The following ZFHX3 variants were observed in gnomAD, a reference collection of about 807,000 sequenced individuals.
The protein encoded by ZFHX3 is zinc finger homeobox protein 3.
Under a neutral mutation model 279.1 loss-of-function variants are expected in ZFHX3, and 42 were observed. The observed-to-expected ratio is 0.15, with a 90% CI of 0.12 to 0.19. The LOEUF is 0.19. ZFHX3 is among the 10% of genes least tolerant of loss of function. ZFHX3 has a pLI of 1.00. For missense variants in ZFHX3, 4,981 were observed against 4,754.0 expected (o/e 1.05, Z -1.40); for synonymous variants, 2,293 against 1,957.8 (o/e 1.17, Z -4.52).
At chr16:73,267,290 G>T (rs1276917476) in intron 4 of ZFHX3, among the ~76,000 whole-genome samples, 1 of 152,028 alleles carries the variant, frequency 6.6e-6, no homozygotes, top group Non-Finnish European at 1.5e-5. Flanking sequence ...TTCATCTTGG[G>T]TCTGGGGCAC....
chr16:72,809,212 A>G (rs1282396036), intron 7 of ZFHX3: 2 of 152,270 alleles, frequency 1.3e-5, no homozygotes, highest in Non-Finnish European at 2.9e-5. Context: ...TAAACCAGTC[A>G]TGTAGATTAC....
chr16:73,845,945 C>T (rs914045538), intron 1 of ZFHX3, among the ~76,000 whole-genome samples: 4 of 152,124 alleles, frequency 2.6e-5, no homozygotes, highest in Non-Finnish European at 4.4e-5. Context: ...TCCTGAGTAG[C>T]TGAACACAGG....
At chr16:73,791,289 G>T (rs1213456640) in intron 1 of ZFHX3, among the ~76,000 whole-genome samples, 2 of 151,612 alleles carry the variant, frequency 1.3e-5, no homozygotes, top group Admixed American at 1.3e-4. Context: ...GACTGGCAGA[G>T]TCCCAAGCTT....
chr16:73,239,123 A>G (rs1324333758), intron 5 of ZFHX3, among the ~76,000 whole-genome samples: 1 of 152,154 alleles, frequency 6.6e-6, no homozygotes, highest in East Asian at 1.9e-4. Context: ...TGCTTAATAA[A>G]TTAATATTAC....
rs16972138 is a variant in ZFHX3, at chr16:73,534,834, C to G, written c.-1546-78576G>C. On this transcript the variant is annotated intron_variant, in intron 2 of 17. Coordinates refer to the ZFHX3 transcript ENST00000641206. ...AAATGAATAATCACCAGGATATTTT[C>G]TTTGTACATAAGGAAACCTTTAGAT... is the stretch of plus-strand genomic sequence containing the variant. Among the ~76,000 whole-genome samples the G allele has an allele frequency of 7.9e-3, 1,208 of 152,210 alleles. 16 individuals carry two copies. Among genetic ancestry groups the G allele is most frequent in the African/African-American group, 0.028 (1,150 of 41,540 alleles).
intron 1 of ZFHX3, among the ~76,000 whole-genome samples, chr16:73,760,252 CCT>C (rs951720158): frequency 2.6e-5 from 4 of 151,940 alleles, no homozygotes; most frequent in African/African-American, 9.7e-5. Flanking sequence ...AAATTGAATC[CCT>C]GAGTAGATCA....
At chr16:73,421,408 T>C (rs1355852841) in intron 3 of ZFHX3, 2 of 152,234 alleles carry the variant, frequency 1.3e-5, no homozygotes, top group Admixed American at 1.3e-4. Context: ...TAAGGTGTGA[T>C]TTGTGAAATG....
chr16:73,114,707 A>G (rs186794394), intron 7 of ZFHX3, among the ~76,000 whole-genome samples: 133 of 152,300 alleles, frequency 8.7e-4, no homozygotes, highest in Admixed American at 3.0e-3. Flanking sequence ...TAAAAAAAAT[A>G]AAATGGGAAA....
In ZFHX3 at chr16:73,631,898, T is replaced by TTCTCTC. The variant is rs139812596; in HGVS notation, c.-1547+48276_-1547+48281dup. On this transcript the variant is annotated intron_variant, in intron 2 of 17. Coordinates refer to the ZFHX3 transcript ENST00000641206. Reference sequence around the variant, plus strand: ...CTCCAGCCTGGGTGATAGAGTGGGATTCTCTCTCTCTCTCTCTCTCTCTCT... The same window carrying TTCTCTC: ...CTCCAGCCTGGGTGATAGAGTGGGATTCTCTCTCTCTCTCTCTCTCTCTCTCTCTCT... Among the ~76,000 whole-genome samples, 1,171 of 129,514 alleles carry TTCTCTC rather than the reference T, an allele frequency of 9.0e-3. 7 individuals carry two copies. Among genetic ancestry groups the TTCTCTC allele is most frequent in the South Asian group, 0.016 (61 of 3,772 alleles). 85.0% of individuals were successfully genotyped at this position (129,514 alleles called of 152,430 possible). A position where few individuals can be genotyped will look rare whatever the true frequency, so the allele number is the denominator to read the frequency against.
intron 1 of ZFHX3, among the ~76,000 whole-genome samples, chr16:72,991,820 G>A (rs1447321598): frequency 1.3e-5 from 2 of 152,094 alleles, no homozygotes; most frequent in African/African-American, 4.8e-5. Flanking sequence ...GGGCTAGATG[G>A]TTCCAGGTGG....
intron 3 of ZFHX3, among the ~76,000 whole-genome samples, chr16:73,454,878 G>A (rs1294798357): frequency 6.6e-6 from 1 of 151,468 alleles, no homozygotes; most frequent in Non-Finnish European, 1.5e-5. Context: ...TGTTGGGAAA[G>A]CTAGGATATT....
At chr16:72,949,294 C>T (rs899485117) in intron 3 of ZFHX3, among the ~76,000 whole-genome samples, 3 of 152,134 alleles carry the variant, frequency 2.0e-5, no homozygotes, top group South Asian at 4.1e-4. Flanking sequence ...GGCCCAAAGA[C>T]GCGAGAAACA....
chr16:73,015,835 G>A (rs903492896), intron 1 of ZFHX3: 4 of 152,250 alleles, frequency 2.6e-5, no homozygotes, highest in Non-Finnish European at 5.9e-5. Flanking sequence ...GTGTGAGCCA[G>A]GCAGCCAACC....
chr16:72,960,672 G>T (rs1048370936), intron 1 of ZFHX3, among the ~76,000 whole-genome samples: 2 of 152,178 alleles, frequency 1.3e-5, no homozygotes, highest in Non-Finnish European at 2.9e-5. Context: ...CTGAGAAGAG[G>T]GAGGTTCAAT....
At chr16:73,583,275 G>C (rs2051880467) in intron 2 of ZFHX3, among the ~76,000 whole-genome samples, 1 of 151,922 alleles carries the variant, frequency 6.6e-6, no homozygotes, top group Non-Finnish European at 1.5e-5. Flanking sequence ...AACAAACCTA[G>C]AAAATCTAAA....
intron 5 of ZFHX3, among the ~76,000 whole-genome samples, chr16:73,241,902 G>C (rs1230593914): frequency 6.6e-6 from 1 of 150,738 alleles, no homozygotes; most frequent in Non-Finnish European, 1.5e-5. Flanking sequence ...TCTCTTATTA[G>C]TATTGTGATC....
At chr16:73,224,357 A>G (rs369793260) in intron 5 of ZFHX3, among the ~76,000 whole-genome samples, 16 of 152,248 alleles carry the variant, frequency 1.1e-4, no homozygotes, top group African/African-American at 3.9e-4. Flanking sequence ...TATTACAAAA[A>G]GTAGATTTAG....
At position 72,788,547 on chromosome 16, in the gene ZFHX3, CTTCTCCTTTACT is replaced by C. The variant is rs1423484575; in HGVS notation, c.9717_9728del (p.Val3240_Lys3243del). The C allele has an allele frequency of 6.2e-7, 1 of 1,614,158 alleles. No individual in the cohort carries two copies. The highest frequency in any genetic ancestry group is 2.2e-5 in the East Asian group (1 of 44,852). ...CCCCTTTCCCTTTGTGTGCCTTTTC[CTTCTCCTTTACT>C]TTCTCACTGTCTTTGTCCTTGCGTT... On this transcript the variant is annotated inframe_deletion, in exon 10 of 10. Transcript: ENST00000268489.
intron 2 of ZFHX3, among the ~76,000 whole-genome samples, chr16:73,501,488 T>G (rs953798301): frequency 1.3e-5 from 2 of 152,186 alleles, no homozygotes; most frequent in Non-Finnish European, 2.9e-5. Flanking sequence ...GTAGCCTCCC[T>G]CCCTACTCTG....
Sources: allele counts gnomAD v4.1 joint callset (sites outside exome capture counted in the v4.1 genomes callset), GRCh38; gene constraint gnomAD v4.1.1; transcripts MANE v1.5; gene names NCBI Gene and HGNC (gene_info 2026-07-23, HGNC 2026-07-21).